Variants in LARGE1 observed in about 807,000 individuals in gnomAD.
LARGE1 encodes xylosyl- and glucuronyltransferase LARGE1.
A neutral mutation model predicts 87.6 loss-of-function variants in LARGE1; 43 were observed. The observed-to-expected ratio is 0.49, with a 90% CI of 0.38 to 0.63. The LOEUF (loss-of-function observed/expected upper bound fraction) is 0.63, where lower values mean the gene tolerates loss of function less well. Ranked by LOEUF, LARGE1 falls within the 30% of genes least tolerant of loss-of-function variation. LARGE1 has a pLI of 0.00. For missense variants in LARGE1, 802 were observed against 1,000.2 expected (o/e 0.80, Z 2.67); for synonymous variants, 434 against 394.6 (o/e 1.10, Z -1.18).
chr22:33,250,248 A>AT (rs1298074638), intron 11 of LARGE1, among the ~76,000 whole-genome samples: 1 of 152,078 alleles, frequency 6.6e-6, no homozygotes, highest in African/African-American at 2.4e-5. Context: ...ATTTTGTTAG[A>AT]TTTTTACCTA....
intron 1 of LARGE1, among the ~76,000 whole-genome samples, chr22:33,783,479 C>T (rs539489034): frequency 1.3e-5 from 2 of 152,146 alleles, no homozygotes; most frequent in Non-Finnish European, 2.9e-5. Context: ...GCAGGAGAAT[C>T]GCTTGAACCT....
chr22:33,513,352 C>T (rs188924017), intron 6 of LARGE1, among the ~76,000 whole-genome samples: 2 of 152,278 alleles, frequency 1.3e-5, no homozygotes, highest in Admixed American at 1.3e-4. Flanking sequence ...CAAGTCTAAA[C>T]TTTGGCTGAG....
chr22:33,763,742 G>A (rs1003180482), intron 1 of LARGE1, among the ~76,000 whole-genome samples: 3 of 151,668 alleles, frequency 2.0e-5, no homozygotes, highest in African/African-American at 4.8e-5. Flanking sequence ...TCAAATGAGA[G>A]AGCCTTTAAT....
At chr22:33,341,255 C>T (rs557684260) in intron 9 of LARGE1, among the ~76,000 whole-genome samples, 1 of 152,088 alleles carries the variant, frequency 6.6e-6, no homozygotes, top group African/African-American at 2.4e-5. Flanking sequence ...GACTATGAAC[C>T]GAAAGGCATG....
At chr22:33,437,567 C>T (rs367821486) in intron 6 of LARGE1, among the ~76,000 whole-genome samples, 4 of 152,026 alleles carry the variant, frequency 2.6e-5, no homozygotes, top group Admixed American at 6.6e-5. Flanking sequence ...AATAGTAAAG[C>T]GTTCAGTAAG....
intron 6 of LARGE1, among the ~76,000 whole-genome samples, chr22:33,562,207 A>G (rs1025023051): frequency 6.6e-6 from 1 of 152,232 alleles, no homozygotes; most frequent in Admixed American, 6.5e-5. Context: ...CACACATACA[A>G]AAGTGATACA....
chr22:33,680,427 T>C (rs2081726726), intron 2 of LARGE1, among the ~76,000 whole-genome samples: 1 of 149,870 alleles, frequency 6.7e-6, no homozygotes. Flanking sequence ...ACTCTATCCA[T>C]ATCAAACCTT....
At chr22:33,595,833 T>C (rs554980934) in intron 5 of LARGE1, among the ~76,000 whole-genome samples, 2 of 152,270 alleles carry the variant, frequency 1.3e-5, no homozygotes, top group Admixed American at 6.5e-5. Context: ...CTCTGTCTAG[T>C]AGAGAAGGCA....
chr22:33,621,960 A>G (rs1464926597), intron 4 of LARGE1, among the ~76,000 whole-genome samples: 2 of 152,212 alleles, frequency 1.3e-5, no homozygotes, highest in Non-Finnish European at 2.9e-5. Context: ...CTGGAGATTC[A>G]TTCCTTGTCT....
chr22:33,826,806 T>C (rs17808694), intron 1 of LARGE1, among the ~76,000 whole-genome samples: 10,964 of 152,156 alleles, frequency 0.072, 502 homozygotes, highest in Admixed American at 0.098. Context: ...CCTGTTATCA[T>C]TGGCCTACAA....
chr22:33,742,238 T>C (rs143668908), intron 2 of LARGE1, among the ~76,000 whole-genome samples: 63 of 152,226 alleles, frequency 4.1e-4, no homozygotes, highest in East Asian at 1.5e-3. Context: ...GCAGGGATAA[T>C]AGGACCAGCC....
At chr22:33,911,503 T>A (rs1431305179) in intron 1 of LARGE1, among the ~76,000 whole-genome samples, 2 of 152,172 alleles carry the variant, frequency 1.3e-5, no homozygotes, top group Non-Finnish European at 2.9e-5. Flanking sequence ...TTCTCCCACG[T>A]CCACTTCATC....
At chr22:33,903,191 A>G (rs941474749) in intron 1 of LARGE1, among the ~76,000 whole-genome samples, 1 of 152,200 alleles carries the variant, frequency 6.6e-6, no homozygotes. Flanking sequence ...CTAATCTACT[A>G]TGACTGATGT....
chr22:33,778,649 G>A (rs75333670), intron 1 of LARGE1, among the ~76,000 whole-genome samples: 4,861 of 151,922 alleles, frequency 0.032, 221 homozygotes, highest in African/African-American at 0.11. Flanking sequence ...ACATGTCAGC[G>A]CAGTATCCTT....
chr22:33,768,404 C>A (rs1383135732), intron 1 of LARGE1, among the ~76,000 whole-genome samples: 1 of 151,206 alleles, frequency 6.6e-6, no homozygotes, highest in African/African-American at 2.4e-5. Flanking sequence ...CTACTGCACA[C>A]CTTTACCCAA....
intron 4 of LARGE1, among the ~76,000 whole-genome samples, chr22:33,623,044 A>G (rs147745656): frequency 6.6e-6 from 1 of 152,256 alleles, no homozygotes; most frequent in African/African-American, 2.4e-5. Flanking sequence ...ACACAACACC[A>G]GAGGTTTTTA....
chr22:33,610,572 G>C (rs930992736), intron 4 of LARGE1, among the ~76,000 whole-genome samples: 1 of 152,106 alleles, frequency 6.6e-6, no homozygotes, highest in Non-Finnish European at 1.5e-5. Context: ...AGGGAAGCAG[G>C]GTGTAAAAAT....
the LARGE1 span, among the ~76,000 whole-genome samples, chr22:33,094,898 T>C: frequency 2.6e-5 from 4 of 152,186 alleles, no homozygotes; most frequent in African/African-American, 9.7e-5. Flanking sequence ...TTGTATTTTT[T>C]AGTAGAGATA....
At chr22:33,210,932 C>G (rs979884738) in intron 11 of LARGE1, among the ~76,000 whole-genome samples, 2 of 152,188 alleles carry the variant, frequency 1.3e-5, no homozygotes, top group African/African-American at 2.4e-5. Flanking sequence ...CTCGTTTTCC[C>G]GCACTTTGCT....
Sources: gnomAD v4.1 joint callset for allele counts (sites outside exome capture counted in the v4.1 genomes callset) on GRCh38, gnomAD v4.1.1 for gene constraint, MANE v1.5 for transcripts, NCBI Gene and HGNC (gene_info 2026-07-23, HGNC 2026-07-21) for gene names.